The following TAF3 variants were observed in gnomAD, a reference collection of about 807,000 sequenced individuals.
TAF3 encodes the protein TATA-box binding protein associated factor 3.
A neutral mutation model predicts 80.6 loss-of-function variants in TAF3; 7 were observed. The observed-to-expected ratio is 0.09, with a 90% CI of 0.05 to 0.16. The LOEUF (loss-of-function observed/expected upper bound fraction) is 0.16, where lower values mean the gene tolerates loss of function less well. Among genes scored for constraint, TAF3 ranks in the 10% least tolerant of loss-of-function variants. The probability of loss-of-function intolerance (pLI) is 1.00; values close to 1 mark genes in which losing one functional copy is unlikely to be tolerated. For synonymous variants in TAF3, 444 were observed against 446.1 expected (o/e 1.00, Z 0.06); for missense variants, 921 against 1,140.2 (o/e 0.81, Z 2.77).
intron 4 of TAF3, among the ~76,000 whole-genome samples, chr10:7,981,983 A>T (rs368429464): frequency 1.4e-4 from 22 of 152,212 alleles, no homozygotes; most frequent in African/African-American, 5.3e-4. Flanking sequence ...GTGAAGAATA[A>T]TCATGGGCAG....
chr10:7,856,539 A>G (rs11255407), intron 2 of TAF3, among the ~76,000 whole-genome samples: 26,154 of 152,126 alleles, frequency 0.17, 2,290 homozygotes, highest in Admixed American at 0.23. Flanking sequence ...TTATAGAACC[A>G]GTCCAGGAAG....
chr10:7,954,884 C>A (rs1838120503), intron 2 of TAF3, among the ~76,000 whole-genome samples: 2 of 142,002 alleles, frequency 1.4e-5, no homozygotes, highest in Non-Finnish European at 3.1e-5. Context: ...TGAATTAGTT[C>A]TAGTTAACAC....
intron 4 of TAF3, among the ~76,000 whole-genome samples, chr10:8,004,684 T>A (rs1831975206): frequency 6.6e-6 from 1 of 152,218 alleles, no homozygotes; most frequent in African/African-American, 2.4e-5. Flanking sequence ...TGTTCTTTTT[T>A]CCCTCTAGCT....
chr10:7,853,180 CTTATAA>C (rs1445664582), intron 2 of TAF3, among the ~76,000 whole-genome samples: 4 of 152,106 alleles, frequency 2.6e-5, no homozygotes, highest in African/African-American at 4.8e-5. Context: ...ATCATATAAA[CTTATAA>C]TTAAATAAAT....
rs1185842052 is a variant in TAF3, at chr10:8,008,833, G to C, written c.2316-245G>C. Reference sequence around the variant, plus strand: ...TCATATTTCTGTGAACAATGCATGTGTATTGGTTGCTAGAAATTTCTAACT... The same window carrying C: ...TCATATTTCTGTGAACAATGCATGTCTATTGGTTGCTAGAAATTTCTAACT... On this transcript the variant is annotated intron_variant, in intron 4 of 6. Coordinates refer to ENST00000344293, the MANE Select transcript of TAF3 (RefSeq NM_031923.4). 2.6e-5 allele frequency among the ~76,000 whole-genome samples: 4 copies of C among 152,188 alleles called. No individual in the cohort carries two copies. In the East Asian group the frequency reaches 7.7e-4, roughly 29 times the overall value.
chr10:7,819,236 C>A (rs971794413), intron 1 of TAF3, among the ~76,000 whole-genome samples: 1 of 152,042 alleles, frequency 6.6e-6, no homozygotes, highest in African/African-American at 2.4e-5. Flanking sequence ...TTACCTCGGT[C>A]CTTTTTCTCC....
chr10:7,967,809 A>G (rs1012909741), intron 3 of TAF3, among the ~76,000 whole-genome samples: 5 of 152,184 alleles, frequency 3.3e-5, no homozygotes, highest in Admixed American at 2.6e-4. Context: ...GCTCCATTGG[A>G]CCATATCAGC....
intron 4 of TAF3, among the ~76,000 whole-genome samples, chr10:7,986,150 T>G (rs539062554): frequency 1.3e-5 from 2 of 152,254 alleles, no homozygotes; most frequent in East Asian, 3.9e-4. Flanking sequence ...TTCCCCCTTC[T>G]TTTCTTTTTG....
rs1469370522 is a variant in TAF3 at position 7,965,284 on chromosome 10, A to G, written c.1774A>G (p.Ile592Val). The part of the protein sequence containing the change: ...EEEADPYKFK[I>V]KEFEDVDPKV... ...AGAGGCAGATCCCTACAAGTTTAAA[A>G]TCAAAGAATTTGAAGATGTTGATCC... The change falls in exon 3 of 7, where the codon ATC becomes GTC. Residue 592 changes from isoleucine (I) to valine (V), a missense_variant. Ile to Val is a conservative substitution (Grantham distance 29). This residue lies in a region of TAF3 where 743 missense variants were observed against 821.0 expected (regional missense o/e 0.90). Coordinates refer to ENST00000344293, the MANE Select transcript of TAF3 (RefSeq NM_031923.4). The G allele has an allele frequency of 6.2e-7, 1 of 1,607,768 alleles. No individual in the cohort carries two copies. Among genetic ancestry groups the G allele is most frequent in the Non-Finnish European group, 8.5e-7 (1 of 1,178,608 alleles).
chr10:7,948,727 C>G (rs556329698), intron 2 of TAF3, among the ~76,000 whole-genome samples: 1 of 152,276 alleles, frequency 6.6e-6, no homozygotes, highest in East Asian at 1.9e-4. Context: ...CAACCAAAAG[C>G]TTAAATACTG....
intron 2 of TAF3, among the ~76,000 whole-genome samples, chr10:7,891,931 G>A (rs1249338884): frequency 6.6e-6 from 1 of 152,162 alleles, no homozygotes; most frequent in Non-Finnish European, 1.5e-5. Flanking sequence ...AAGTACAATA[G>A]TGTTATATAG....
chr10:7,825,301 A>G (rs1348393735), intron 2 of TAF3, among the ~76,000 whole-genome samples: 4 of 152,242 alleles, frequency 2.6e-5, no homozygotes, highest in African/African-American at 4.8e-5. Context: ...GACAATGCAA[A>G]TGATGCCAGC....
intron 2 of TAF3, among the ~76,000 whole-genome samples, chr10:7,923,824 A>G (rs1311967105): frequency 1.3e-5 from 2 of 152,182 alleles, no homozygotes; most frequent in African/African-American, 2.4e-5. Context: ...TTTGCACATA[A>G]TTGACTTTTT....
intron 4 of TAF3, among the ~76,000 whole-genome samples, chr10:7,983,056 G>A (rs1258289563): frequency 2.0e-5 from 3 of 151,702 alleles, no homozygotes; most frequent in Non-Finnish European, 4.4e-5. Context: ...GACTTCGGCG[G>A]GGCCACCTGC....
chr10:7,979,962 A>G (rs940271219), intron 4 of TAF3, among the ~76,000 whole-genome samples: 2 of 152,128 alleles, frequency 1.3e-5, no homozygotes, highest in African/African-American at 2.4e-5. Context: ...AGAAGAATGT[A>G]TTATGACACA....
chr10:7,972,431 T>A (rs1158099237), intron 3 of TAF3, among the ~76,000 whole-genome samples: 2 of 152,180 alleles, frequency 1.3e-5, no homozygotes. Context: ...ATTTAAGTAG[T>A]TTTTAGATAT....
chr10:7,819,817 C>T (rs190967032), intron 1 of TAF3, among the ~76,000 whole-genome samples: 1 of 152,074 alleles, frequency 6.6e-6, no homozygotes, highest in Non-Finnish European at 1.5e-5. Context: ...TAAAGTGGTT[C>T]CTATACTGGA....
chr10:8,013,096 A>G (rs1832069883), intron 5 of TAF3, among the ~76,000 whole-genome samples: 1 of 152,230 alleles, frequency 6.6e-6, no homozygotes, highest in African/African-American at 2.4e-5. Flanking sequence ...TGAACCTTGT[A>G]GCTCTGTGGC....
In TAF3 at chr10:8,014,888, G is replaced by A. The variant is rs1832089718; in HGVS notation, c.*137G>A. 5.6e-6 allele frequency: 4 copies of A among 716,454 alleles called. No homozygotes were observed. Among genetic ancestry groups the A allele is most frequent in the African/African-American group, 3.6e-5 (2 of 55,554 alleles). 44.4% of individuals were successfully genotyped at this position (716,454 alleles called of 1,614,324 possible). On this transcript the variant is annotated 3_prime_UTR_variant, in exon 7 of 7. Coordinates refer to ENST00000344293, the MANE Select transcript of TAF3 (RefSeq NM_031923.4). The stretch of plus-strand genomic sequence containing the variant: ...TAAAGAACCCAGGAGGACTGAGGCT[G>A]GAACACACCGCGCACCTGGATTGTT...
Sources: gnomAD v4.1 joint callset for allele counts (sites outside exome capture counted in the v4.1 genomes callset) on GRCh38, gnomAD v4.1.1 for gene constraint, gnomAD v4.1.1 regional missense constraint, MANE v1.5 for transcripts, NCBI Gene and HGNC (gene_info 2026-07-23, HGNC 2026-07-21) for gene names.